The following CACNA1C variants were observed in gnomAD, a reference collection of about 807,000 sequenced individuals.
CACNA1C encodes the protein calcium voltage-gated channel subunit alpha1 C, also known as voltage-dependent L-type calcium channel subunit alpha-1C.
A neutral mutation model predicts 229.0 loss-of-function variants in CACNA1C; 30 were observed. That is an observed-to-expected ratio of 0.13 (90% CI 0.10 to 0.18). The LOEUF is 0.18. CACNA1C is among the 10% of genes least tolerant of loss of function. CACNA1C has a pLI of 1.00. For missense variants in CACNA1C, 1,658 were observed against 2,845.0 expected, an observed-to-expected ratio of 0.58 and a Z score of 9.49; for synonymous variants, 1,114 against 1,132.5, an observed-to-expected ratio of 0.98 and a Z score of 0.33.
intron 43 of CACNA1C, among the ~76,000 whole-genome samples, chr12:2,682,881 A>AC (rs1569247483): frequency 4.5e-5 from 1 of 22,202 alleles, no homozygotes; most frequent in Non-Finnish European, 4.3e-4. Flanking sequence ...CACACACACC[A>AC]CACACACACA....
intron 13 of CACNA1C, among the ~76,000 whole-genome samples, chr12:2,568,961 G>A (rs1188135148): frequency 4.6e-5 from 7 of 152,182 alleles, no homozygotes; most frequent in Admixed American, 3.3e-4. Context: ...TCTCAGCAAG[G>A]GCTTCTGTTC....
chr12:2,640,542 A>G (rs1396167179), intron 30 of CACNA1C, among the ~76,000 whole-genome samples: 1 of 152,244 alleles, frequency 6.6e-6, no homozygotes, highest in Admixed American at 6.5e-5. Flanking sequence ...GGAGGCGCAG[A>G]GCAGCACCAC....
At chr12:2,460,488 T>C (rs1317298717) in intron 5 of CACNA1C, among the ~76,000 whole-genome samples, 1 of 152,254 alleles carries the variant, frequency 6.6e-6, no homozygotes, top group Admixed American at 6.5e-5. Context: ...GAGCCACTCA[T>C]GCTACAGTGC....
intron 3 of CACNA1C, among the ~76,000 whole-genome samples, chr12:2,197,495 A>G (rs2097444742): frequency 6.6e-6 from 1 of 152,210 alleles, no homozygotes; most frequent in South Asian, 2.1e-4. Context: ...GTCACTTATT[A>G]TTATGTAATA....
chr12:2,011,135 G>C (rs1330417494), intron 1 of CACNA1C: 2 of 109,730 alleles, frequency 1.8e-5, no homozygotes, highest in Non-Finnish European at 3.4e-5. Flanking sequence ...TGGGAGATAA[G>C]AGCGAAACTG....
chr12:2,397,624 C>G (rs1204274671), intron 3 of CACNA1C, among the ~76,000 whole-genome samples: 2 of 152,244 alleles, frequency 1.3e-5, no homozygotes, highest in Non-Finnish European at 2.9e-5. Context: ...TACCAAGTGA[C>G]TGGCACAAAA....
rs747878769 is a variant in CACNA1C, at chr12:2,639,111, T to C, written c.3912+4731T>C. Among the ~76,000 whole-genome samples the C allele has an allele frequency of 1.3e-5, 2 of 152,308 alleles. No individual in the cohort carries two copies. Among genetic ancestry groups the C allele is most frequent in the South Asian group, 4.1e-4 (2 of 4,828 alleles). On this transcript the variant is annotated intron_variant, in intron 30 of 46. Transcript: ENST00000399655. This position sits in a 1 kb window ranked among gnomAD's most constrained non-coding sequence, Gnocchi z 4.2. ...AGAGGACCGTCTTCAGGCCCCCTCG[T>C]GCGGTCATGCTGAATTCAGCCTCAG...
intron 3 of CACNA1C, among the ~76,000 whole-genome samples, chr12:2,278,296 A>T (rs902414008): frequency 3.3e-5 from 5 of 152,218 alleles, no homozygotes; most frequent in African/African-American, 1.2e-4. Context: ...CAAACTGCAC[A>T]TATTTCAACT....
chr12:2,016,274 A>T (rs2045351465), intron 1 of CACNA1C, among the ~76,000 whole-genome samples: 1 of 147,594 alleles, frequency 6.8e-6, no homozygotes, highest in South Asian at 2.1e-4. Flanking sequence ...GTCAAACAAC[A>T]GTACTCAGTA....
chr12:2,592,703 A>ATTTTTTT (rs55789235), intron 18 of CACNA1C, among the ~76,000 whole-genome samples: 1 of 131,604 alleles, frequency 7.6e-6, no homozygotes. Flanking sequence ...CAGCACATGA[A>ATTTTTTT]TTTTTTTTTT....
chr12:2,464,038 T>C (rs2099533796), intron 5 of CACNA1C, among the ~76,000 whole-genome samples: 1 of 152,128 alleles, frequency 6.6e-6, no homozygotes, highest in South Asian at 2.1e-4. Flanking sequence ...CGTTTCCTGC[T>C]TTCCATTTCA....
intron 3 of CACNA1C, among the ~76,000 whole-genome samples, chr12:2,203,110 C>T (rs2097646814): frequency 6.6e-6 from 1 of 152,152 alleles, no homozygotes; most frequent in Admixed American, 6.5e-5. Flanking sequence ...CATGCATACC[C>T]TGTCTATAGT....
intron 3 of CACNA1C, among the ~76,000 whole-genome samples, chr12:2,187,939 C>T (rs1247353931): frequency 6.6e-6 from 1 of 152,224 alleles, no homozygotes; most frequent in African/African-American, 2.4e-5. Context: ...GGAGAGGCAC[C>T]TTGGCCCCTG....
chr12:2,084,917 A>G (rs1175767268), intron 1 of CACNA1C, among the ~76,000 whole-genome samples: 1 of 152,166 alleles, frequency 6.6e-6, no homozygotes, highest in African/African-American at 2.4e-5. Context: ...GTTAGTGTGG[A>G]CCATAGTTTC....
chr12:2,492,357 C>T (rs780605989), intron 6 of CACNA1C, among the ~76,000 whole-genome samples: 4 of 152,188 alleles, frequency 2.6e-5, no homozygotes, highest in Non-Finnish European at 5.9e-5. Context: ...GACAAAGCCC[C>T]GTCCGTACTG....
chr12:2,493,910 T>C lies in CACNA1C; in HGVS notation c.1113+524T>C, dbSNP rs1429033441. ...TTTTACTTTTTATTTTACTCTTACC[T>C]TAACATATTAGAATAGTCCATCAGA... On this transcript the variant is annotated intron_variant, in intron 7 of 46. Transcript: ENST00000399655. The surrounding 1 kb of genome is among the most constrained non-coding windows in gnomAD (Gnocchi z 4.6). 1.3e-5 allele frequency among the ~76,000 whole-genome samples: 2 copies of C among 152,264 alleles called. No individual in the cohort carries two copies. Among genetic ancestry groups the C allele is most frequent in the African/African-American group, 2.4e-5 (1 of 41,472 alleles).
intron 3 of CACNA1C, among the ~76,000 whole-genome samples, chr12:2,392,212 A>G (rs553701260): frequency 2.0e-5 from 3 of 152,384 alleles, no homozygotes; most frequent in South Asian, 2.1e-4. Context: ...TGTTAAACAT[A>G]AGAGAGAGAA....
At position 2,658,490 on chromosome 12, in the gene CACNA1C, G is replaced by A. The variant is rs2095535514; in HGVS notation, c.4232+3252G>A. On this transcript the variant is annotated intron_variant, in intron 34 of 46. Coordinates refer to ENST00000399655, the MANE Select transcript of CACNA1C (RefSeq NM_000719.7). ...TACTCAGGTGTTCGTGGTGCTGCCA[G>A]TCATAGATAAGTATGGCCCATACAA... 3.3e-5 allele frequency among the ~76,000 whole-genome samples: 5 copies of A among 152,184 alleles called. No homozygotes were observed. In the South Asian group the frequency reaches 1.0e-3, roughly 32 times the overall value.
In CACNA1C at chr12:2,693,301, C is replaced by T. The variant is rs2097806867; in HGVS notation, c.*2102C>T. On this transcript the variant is annotated 3_prime_UTR_variant, in exon 47 of 47. Coordinates refer to ENST00000399655, the MANE Select transcript of CACNA1C (RefSeq NM_000719.7). Reference sequence around the variant, plus strand: ...GAGCCCTCAGTCACTGGGCCGTCATCCGCATCCCCCATGGAAGAGGTAGCT... The same window carrying T: ...GAGCCCTCAGTCACTGGGCCGTCATTCGCATCCCCCATGGAAGAGGTAGCT... 1 of 152,236 alleles carries T rather than the reference C, an allele frequency of 6.6e-6. No homozygotes were observed. The highest frequency in any genetic ancestry group is 1.5e-5 in the Non-Finnish European group (1 of 68,070). 9.4% of individuals were successfully genotyped at this position (152,236 alleles called of 1,614,324 possible).
Sources: gnomAD v4.1 joint callset for allele counts (sites outside exome capture counted in the v4.1 genomes callset) on GRCh38, gnomAD v4.1.1 for gene constraint, Gnocchi (gnomAD v3.1) non-coding constraint, MANE v1.5 for transcripts, NCBI Gene and HGNC (gene_info 2026-07-23, HGNC 2026-07-21) for gene names.